NCAM1: variants seen among roughly 807,000 people sequenced by gnomAD.
NCAM1 encodes the protein antigen recognized by monoclonal antibody 5.1H11.
In NCAM1, 14 loss-of-function variants were observed where a neutral mutation model predicts 109.8. That is an observed-to-expected ratio of 0.13 (90% CI 0.08 to 0.20). The LOEUF (loss-of-function observed/expected upper bound fraction) is 0.20, where lower values mean the gene tolerates loss of function less well. NCAM1 is among the 10% of genes least tolerant of loss of function. The pLI, the probability that NCAM1 is intolerant of heterozygous loss-of-function variation, is 1.00. For synonymous variants in NCAM1, 418 were observed against 442.9 expected (o/e 0.94, Z 0.70); for missense variants, 774 against 1,109.9 (o/e 0.70, Z 4.30).
At position 112,962,523 on chromosome 11, in the gene NCAM1, C is replaced by G. The variant is rs1950598074; in HGVS notation, c.52+859C>G. 6.6e-6 allele frequency among the ~76,000 whole-genome samples: 1 copy of G among 151,812 alleles called. No individual in the cohort carries two copies. The highest frequency in any genetic ancestry group is 6.6e-5 in the Admixed American group (1 of 15,264). On this transcript the variant is annotated intron_variant, in intron 1 of 19. Transcript: ENST00000316851. This position sits in a 1 kb window ranked among gnomAD's most constrained non-coding sequence, Gnocchi z 5.6. ...GGGCGGGAGAAGAATGGCAGGTAGC[C>G]GCCCGAAACACCTCGCCCTGTCTCC...
At chr11:113,247,129 A>G (rs965568812) in intron 15 of NCAM1, among the ~76,000 whole-genome samples, 1 of 152,232 alleles carries the variant, frequency 6.6e-6, no homozygotes, top group African/African-American at 2.4e-5. Flanking sequence ...CAAAATAATT[A>G]GTTAATATTG....
chr11:113,005,351 G>A (rs1269294893), intron 1 of NCAM1, among the ~76,000 whole-genome samples: 1 of 152,144 alleles, frequency 6.6e-6, no homozygotes, highest in East Asian at 1.9e-4. Context: ...GATGAGCTTC[G>A]TTATAGGGTT....
intron 1 of NCAM1, among the ~76,000 whole-genome samples, chr11:113,037,265 C>T (rs530934148): frequency 4.6e-5 from 7 of 152,268 alleles, no homozygotes; most frequent in Admixed American, 2.0e-4. Flanking sequence ...AATTGAAGCT[C>T]GGAAAAGTTA....
intron 16 of NCAM1, among the ~76,000 whole-genome samples, chr11:113,259,197 G>A (rs563488503): frequency 4.5e-4 from 67 of 150,492 alleles, no homozygotes; most frequent in Non-Finnish European, 8.6e-4. Flanking sequence ...GACTACAGGC[G>A]CCCGCCACTA....
chr11:113,244,204 G>A (rs961961694), intron 14 of NCAM1, among the ~76,000 whole-genome samples: 5 of 152,158 alleles, frequency 3.3e-5, no homozygotes, highest in African/African-American at 1.2e-4. Context: ...TTGTACAACT[G>A]TGTCATATTT....
At chr11:113,046,587 T>A (rs1195284824) in intron 1 of NCAM1, among the ~76,000 whole-genome samples, 2 of 152,152 alleles carry the variant, frequency 1.3e-5, no homozygotes, top group African/African-American at 4.8e-5. Flanking sequence ...CATAAATGTT[T>A]TGATGTTAGC....
intron 1 of NCAM1, among the ~76,000 whole-genome samples, chr11:112,994,359 C>A (rs1951538426): frequency 6.6e-6 from 1 of 152,180 alleles, no homozygotes; most frequent in African/African-American, 2.4e-5. Flanking sequence ...TCTGATTTTT[C>A]ATTTTTTGTA....
At chr11:113,214,777 A>C (rs1555114154) in intron 8 of NCAM1, among the ~76,000 whole-genome samples, 4 of 152,192 alleles carry the variant, frequency 2.6e-5, no homozygotes. Flanking sequence ...GGGAGGAGGC[A>C]ATGGTGATTG....
At position 113,231,795 on chromosome 11, in the gene NCAM1, T is replaced by C. The variant is rs782669123; in HGVS notation, c.1240T>C (p.Tyr414His). ...CCAGTCCATGTACCTTGAAGTGCAA[T>C]GTAAGGAATAAATGGGGAAGGACCT... ...DSQSMYLEVQ[Y>H]APKLQGPVAV... is the part of the protein sequence containing the mutation. The change falls in exon 10 of 20, where the codon TAT (tyrosine) becomes CAT (histidine). Residue 414 changes from tyrosine (Y) to histidine (H), a missense_variant and splice_region_variant. Around this residue, in one of 4 missense-constraint regions of NCAM1, gnomAD observed 523 missense variants for 784.2 expected, o/e 0.67. Transcript: ENST00000316851. The C allele has an allele frequency of 8.7e-6, 14 of 1,613,702 alleles. No homozygotes were observed. The highest frequency in any genetic ancestry group is 1.7e-4 in the Middle Eastern group (1 of 6,060).
intron 14 of NCAM1, chr11:113,242,915 A>G (rs1945376732): frequency 6.2e-7 from 1 of 1,611,948 alleles, no homozygotes; most frequent in Middle Eastern, 1.7e-4. Flanking sequence ...CTTCTAGATT[A>G]CAGCGCTGCC....
chr11:113,084,464 A>G (rs1938989032), intron 1 of NCAM1, among the ~76,000 whole-genome samples: 1 of 152,218 alleles, frequency 6.6e-6, no homozygotes, highest in African/African-American at 2.4e-5. Context: ...TCTCACTGAC[A>G]GTTGAACTGA....
At chr11:113,231,091 A>T in intron 9 of NCAM1, 1 of 1,137,162 alleles carries the variant, frequency 8.8e-7, no homozygotes, top group Non-Finnish European at 1.2e-6. Context: ...GCTTGTTTTT[A>T]CATGTGATTA....
intron 14 of NCAM1, chr11:113,236,456 C>T: frequency 2.3e-6 from 2 of 887,640 alleles, no homozygotes; most frequent in East Asian, 2.6e-5. Context: ...CCACACTGAC[C>T]TTAGTCTAGT....
intron 11 of NCAM1, 63 bp downstream of exon 11, chr11:113,232,417 A>C: frequency 6.7e-7 from 1 of 1,484,232 alleles, no homozygotes; most frequent in Non-Finnish European, 9.2e-7. Flanking sequence ...GTGGGCTCCA[A>C]AATGCAGCTC....
At chr11:113,009,698 C>G (rs1367973662) in intron 1 of NCAM1, among the ~76,000 whole-genome samples, 2 of 152,030 alleles carry the variant, frequency 1.3e-5, no homozygotes, top group Non-Finnish European at 2.9e-5. Context: ...TTTCCAAGAC[C>G]ATGTCTCCAC....
intron 15 of NCAM1, 34 bp downstream of exon 15, chr11:113,246,404 C>T: frequency 1.4e-6 from 1 of 733,524 alleles, no homozygotes; most frequent in Non-Finnish European, 2.5e-6. Flanking sequence ...TGAAATAAAT[C>T]TGGGACCACA....
At chr11:112,994,376 T>C (rs1591225395) in intron 1 of NCAM1, among the ~76,000 whole-genome samples, 1 of 152,328 alleles carries the variant, frequency 6.6e-6, no homozygotes, top group East Asian at 1.9e-4. Flanking sequence ...TGTAGATGAC[T>C]ATTTTTCTCT....
At chr11:113,125,309 T>C (rs1404947131) in intron 1 of NCAM1, among the ~76,000 whole-genome samples, 1 of 152,198 alleles carries the variant, frequency 6.6e-6, no homozygotes, top group Non-Finnish European at 1.5e-5. Context: ...GTTTCCTCTG[T>C]AATGATTGCA....
chr11:113,271,369 CAAAAAAA>C (rs71060298), intron 18 of NCAM1, among the ~76,000 whole-genome samples: 11 of 66,882 alleles, frequency 1.6e-4, no homozygotes, highest in Non-Finnish European at 2.0e-4. Flanking sequence ...GACTCTGTCT[CAAAAAAA>C]AAAAAAAAAA....
Sources: gnomAD v4.1 joint callset for allele counts (sites outside exome capture counted in the v4.1 genomes callset) on GRCh38, gnomAD v4.1.1 for gene constraint, gnomAD v4.1.1 regional missense constraint, Gnocchi (gnomAD v3.1) non-coding constraint, MANE v1.5 for transcripts, NCBI Gene and HGNC (gene_info 2026-07-23, HGNC 2026-07-21) for gene names.